KRT33B: variants seen among roughly 807,000 people sequenced by gnomAD.
KRT33B encodes keratin 33B, also known as keratin, type I cuticular Ha3-II.
KRT33B carries 37 observed loss-of-function variants against 42.7 expected under a neutral mutation model. The observed-to-expected ratio is 0.87, with a 90% CI of 0.67 to 1.14. The LOEUF (loss-of-function observed/expected upper bound fraction) is 1.14. KRT33B is among the 50% of genes most tolerant of loss of function. The probability of loss-of-function intolerance (pLI) is 0.00; values close to 1 mark genes in which losing one functional copy is unlikely to be tolerated. For synonymous variants in KRT33B, 237 were observed against 221.2 expected (o/e 1.07, Z -0.63); for missense variants, 523 against 515.1 (o/e 1.02, Z -0.15).
At chr17:41,368,871 C>A (rs1025026992) in intron 1 of KRT33B, among the ~76,000 whole-genome samples, 2 of 151,352 alleles carry the variant, frequency 1.3e-5, no homozygotes, top group Non-Finnish European at 2.9e-5. Context: ...ATCTACTTCT[C>A]TTCCAGAACA....
rs148300082 is a variant in KRT33B at position 41,365,400 on chromosome 17, C to T, written c.742G>A (p.Ala248Thr). Residue 248 changes from alanine (A) to threonine (T), a missense_variant, in exon 4 of 7, where the codon GCC becomes ACC. By Grantham distance (58) the Ala-to-Thr change is moderately conservative. Coordinates refer to ENST00000251646, the MANE Select transcript of KRT33B (RefSeq NM_002279.5). ...CGTGCTTAGATGCCCACCTGCGTGG[C>T]GAACCATTGCTCCACTTCCCTGCGG... Reference protein sequence around the residue: ...TNRREVEQWFATQTEELNKQV... With the variant: ...TNRREVEQWFTTQTEELNKQV... The T allele has an allele frequency of 1.9e-4, 311 of 1,610,678 alleles. No homozygotes were observed. The highest frequency in any genetic ancestry group is 2.5e-4 in the Non-Finnish European group (292 of 1,178,874).
chr17:41,365,625 A>G, intron 3 of KRT33B, 72 bp from the exon 4 acceptor site: 1 of 1,537,946 alleles, frequency 6.5e-7, no homozygotes, highest in Non-Finnish European at 8.8e-7. Context: ...GCAGTTCAAT[A>G]TAATGGGAAG....
chr17:41,364,956 T>C lies in KRT33B; in HGVS notation c.920A>G (p.Tyr307Cys). The change falls in exon 6 of 7, where the codon TAC (tyrosine) becomes TGC (cysteine). Residue 307 changes from tyrosine to cysteine, a missense_variant. Transcript: ENST00000251646. ...CTGCACCTGGGACAGCTGGGAGCTG[T>C]AGCGGGCCTCGCTCTCTGTCAGCGT... ...ENTLTESEAR[Y>C]SSQLSQVQSL... 1.9e-6 allele frequency: 3 copies of C among 1,613,400 alleles called. No homozygotes were observed. Among genetic ancestry groups the C allele is most frequent in the Middle Eastern group, 1.6e-4 (1 of 6,062 alleles).
intron 2 of KRT33B, among the ~76,000 whole-genome samples, chr17:41,367,032 AG>A (rs2144299582): frequency 6.6e-6 from 1 of 151,520 alleles, no homozygotes; most frequent in South Asian, 2.1e-4. Flanking sequence ...AGTTAGAGCC[AG>A]TATTCTCATT....
chr17:41,365,679 G>T, intron 3 of KRT33B, 126 bp from the exon 4 acceptor site: 1 of 1,247,802 alleles, frequency 8.0e-7, no homozygotes, highest in Non-Finnish European at 1.1e-6. Flanking sequence ...AAGCCCAGCT[G>T]TCACCTCTGG....
Position 41,364,997 on chromosome 17 carries a change from T to C in KRT33B, c.879A>G (p.Arg293=). ...CTGTCAGCGTGTTTTCCAGAGAGTA[T>C]CGCTGTGGTGGGAAAGATCAGGAAT... The part of the protein sequence containing the change: ...EIELQAQHNL[R]YSLENTLTES... Residue 293 remains arginine, a splice_region_variant and synonymous_variant, in exon 6 of 7, where the codon CGA becomes CGG. Transcript: ENST00000251646. 6.2e-7 allele frequency: 1 copy of C among 1,613,214 alleles called. No homozygotes were observed. The highest frequency in any genetic ancestry group is 1.1e-5 in the South Asian group (1 of 91,082).
At chr17:41,369,074 TTTTGAAA>T (rs2017740298) in intron 1 of KRT33B, among the ~76,000 whole-genome samples, 1 of 151,444 alleles carries the variant, frequency 6.6e-6, no homozygotes, top group African/African-American at 2.5e-5. Context: ...GGTGCATACT[TTTTGAAA>T]ATGCGGTAAT....
At chr17:41,364,667 C>G in intron 6 of KRT33B, 112 bp downstream of exon 6, 1 of 1,371,362 alleles carries the variant, frequency 7.3e-7, no homozygotes, top group Non-Finnish European at 1.0e-6. Flanking sequence ...ATATAAAACT[C>G]TCGCCTCTAC....
At position 41,366,449 on chromosome 17, in the gene KRT33B, A is replaced by T. The variant is rs747839738; in HGVS notation, c.588+21T>A. ...ATCACAGAGCTCTCAGTATTGGGAT[A>T]TTGGGGGCTGGGACTCTTACCTGCT... is the stretch of plus-strand genomic sequence containing the variant. On this transcript the variant is annotated intron_variant, in intron 3 of 6. Transcript: ENST00000251646. 6.8e-6 allele frequency: 11 copies of T among 1,611,158 alleles called. No homozygotes were observed. In the South Asian group the frequency reaches 1.2e-4, roughly 18 times the overall value.
intron 1 of KRT33B, among the ~76,000 whole-genome samples, chr17:41,369,086 G>A (rs759755009): frequency 6.0e-5 from 9 of 151,178 alleles, no homozygotes; most frequent in Admixed American, 1.3e-4. Flanking sequence ...TTGAAAATGC[G>A]GTAATGCTCT....
Position 41,369,573 on chromosome 17 carries a change from T to A in KRT33B, c.178A>T (p.Met60Leu), listed in dbSNP as rs757814605. Residue 60 changes from methionine to leucine, a missense_variant, in exon 1 of 7, where the codon ATG (methionine) becomes TTG (leucine). By Grantham distance (15) the Met-to-Leu change is conservative (BLOSUM62 2). Coordinates refer to ENST00000251646, the MANE Select transcript of KRT33B (RefSeq NM_002279.5). Reference sequence around the variant, plus strand: ...GCCAGGCGGTCGTTCAGGAACTGCATAGTCTCCTTCTCGCTGCCATTGAAG... The same window carrying A: ...GCCAGGCGGTCGTTCAGGAACTGCAAAGTCTCCTTCTCGCTGCCATTGAAG... ...GSFNGSEKET[M>L]QFLNDRLASY... The A allele has an allele frequency of 6.2e-7, 1 of 1,613,798 alleles. No homozygotes were observed. Among genetic ancestry groups the A allele is most frequent in the East Asian group, 2.2e-5 (1 of 44,888 alleles).
chr17:41,363,941 G>T lies in KRT33B; in HGVS notation c.1110C>A (p.Asn370Lys). The change falls in exon 7 of 7, where the codon AAC becomes AAA. Residue 370 changes from asparagine (N) to lysine (K), a missense_variant. Transcript: ENST00000251646. The stretch of plus-strand genomic sequence containing the variant: ...CACATGCATTGGTGGTGGCGCAGGG[G>T]TTGGAGGGCAGCCTGGGATGCAGAA... ...LESEDCKLPS[N>K]PCATTNACEK... is the part of the protein sequence containing the mutation. 6.2e-7 allele frequency: 1 copy of T among 1,610,186 alleles called. No homozygotes were observed. The highest frequency in any genetic ancestry group is 1.1e-5 in the South Asian group (1 of 90,438).
At chr17:41,365,849 G>A (rs946173159) in intron 3 of KRT33B, among the ~76,000 whole-genome samples, 11 of 151,300 alleles carry the variant, frequency 7.3e-5, no homozygotes, top group Non-Finnish European at 1.6e-4. Flanking sequence ...GCTTACAATT[G>A]TTGCTACTTA....
chr17:41,369,797 T>C lies in KRT33B; in HGVS notation c.-47A>G. 6.4e-7 allele frequency: 1 copy of C among 1,571,800 alleles called. No homozygotes were observed. Among genetic ancestry groups the C allele is most frequent in the Non-Finnish European group, 8.6e-7 (1 of 1,156,720 alleles). On this transcript the variant is annotated 5_prime_UTR_variant, in exon 1 of 7. Transcript: ENST00000251646. ...TCTGGAAGTCAGTTTCAAAACCTGA[T>C]TCCTTTTCCCTGGGATAAGCCTTGG... is the stretch of plus-strand genomic sequence containing the variant.
chr17:41,366,259 G>C (rs1230236414), intron 3 of KRT33B, among the ~76,000 whole-genome samples: 1 of 151,308 alleles, frequency 6.6e-6, no homozygotes, highest in Admixed American at 6.6e-5. Context: ...ATACATGTCT[G>C]GTCCCAAGGG....
chr17:41,368,535 T>C lies in KRT33B; in HGVS notation c.349-545A>G, dbSNP rs557663241. On this transcript the variant is annotated intron_variant, in intron 1 of 6. Coordinates refer to ENST00000251646, the MANE Select transcript of KRT33B (RefSeq NM_002279.5). ...TGTGATCATTTTGTTTCCACATCTA[T>C]CTCCCCTGTTAGACTGTGAGCTCCT... 4.0e-5 allele frequency among the ~76,000 whole-genome samples: 6 copies of C among 151,426 alleles called. No homozygotes were observed. The South Asian group carries it at 1.2e-3, about 31-fold the overall frequency.
At position 41,369,787 on chromosome 17, in the gene KRT33B, C is replaced by T. The variant is rs2017754960; in HGVS notation, c.-37G>A. On this transcript the variant is annotated 5_prime_UTR_variant, in exon 1 of 7. Transcript: ENST00000251646. ...GCAGTGGAGCTCTGGAAGTCAGTTT[C>T]AAAACCTGATTCCTTTTCCCTGGGA... 2 of 1,587,712 alleles carry T rather than the reference C, an allele frequency of 1.3e-6. No individual in the cohort carries two copies. The highest frequency in any genetic ancestry group is 2.7e-5 in the African/African-American group (2 of 74,308).
At position 41,363,894 on chromosome 17, in the gene KRT33B, A is replaced by T. The variant is rs2017657342; in HGVS notation, c.1157T>A (p.Val386Asp). Residue 386 changes from valine (V) to aspartate (D), a missense_variant, in exon 7 of 7, where the codon GTC becomes GAC. Transcript: ENST00000251646. ...GGAACGAGGACCACAAGGATTGGTG[A>T]CACAGGATCCAATGGGCTTTTCACA... ...NACEKPIGSC[V>D]TNPCGPRSRC... 1.2e-6 allele frequency: 2 copies of T among 1,611,962 alleles called. No homozygotes were observed. Among genetic ancestry groups the T allele is most frequent in the South Asian group, 2.2e-5 (2 of 90,816 alleles).
chr17:41,367,728 A>T (rs2017720000), intron 2 of KRT33B, among the ~76,000 whole-genome samples, 180 bp downstream of exon 2: 1 of 151,016 alleles, frequency 6.6e-6, no homozygotes. Flanking sequence ...AAAAAAAAAA[A>T]CTTAAAACAC....
Sources: allele counts gnomAD v4.1 joint callset (sites outside exome capture counted in the v4.1 genomes callset), GRCh38; gene constraint gnomAD v4.1.1; transcripts MANE v1.5; gene names NCBI Gene and HGNC (gene_info 2026-07-23, HGNC 2026-07-21).